MTUS2: variants seen among roughly 807,000 people sequenced by gnomAD.
The protein encoded by MTUS2 is microtubule-associated tumor suppressor candidate 2.
Under a neutral mutation model 114.1 loss-of-function variants are expected in MTUS2, and 40 were observed. The ratio of observed to expected loss-of-function variants is 0.35; its 90% CI spans 0.27 to 0.46. The LOEUF is 0.46. Ranked by LOEUF, MTUS2 falls within the 20% of genes least tolerant of loss-of-function variation. The pLI, the probability that MTUS2 is intolerant of heterozygous loss-of-function variation, is 1.00. For synonymous variants in MTUS2, 688 were observed against 672.0 expected (o/e 1.02, Z -0.37); for missense variants, 1,679 against 1,705.4 (o/e 0.98, Z 0.27).
At chr13:28,928,732 T>C (rs1289457512) in intron 2 of MTUS2, among the ~76,000 whole-genome samples, 2 of 152,224 alleles carry the variant, frequency 1.3e-5, no homozygotes, top group East Asian at 3.8e-4. Flanking sequence ...CTCCTGGGTA[T>C]ATATCCAAAA....
At chr13:29,145,599 AG>A (rs767999421) in intron 5 of MTUS2, among the ~76,000 whole-genome samples, 5 of 152,204 alleles carry the variant, frequency 3.3e-5, no homozygotes, top group African/African-American at 4.8e-5. Flanking sequence ...GTTTGTTTTT[AG>A]TTGATCAAAC....
chr13:29,138,547 G>C (rs771738559), intron 5 of MTUS2, among the ~76,000 whole-genome samples: 3 of 141,652 alleles, frequency 2.1e-5, no homozygotes, highest in Non-Finnish European at 4.6e-5. Flanking sequence ...GTACATTACT[G>C]GAAAGACTAT....
intron 5 of MTUS2, among the ~76,000 whole-genome samples, chr13:29,185,316 T>G (rs747120043): frequency 1.3e-5 from 2 of 152,030 alleles, no homozygotes; most frequent in African/African-American, 2.4e-5. Flanking sequence ...CATATGCAAA[T>G]GGGCGTCCCA....
chr13:29,237,272 T>C (rs967563987), intron 5 of MTUS2, among the ~76,000 whole-genome samples: 13 of 152,212 alleles, frequency 8.5e-5, no homozygotes, highest in African/African-American at 2.9e-4. Context: ...AGAAGTATCC[T>C]TTACAGATGA....
At chr13:29,238,500 C>T (rs928037182) in intron 5 of MTUS2, among the ~76,000 whole-genome samples, 2 of 152,184 alleles carry the variant, frequency 1.3e-5, no homozygotes, top group African/African-American at 4.8e-5. Flanking sequence ...GATGTAAGTC[C>T]AACAGTCCTA....
At chr13:29,267,180 T>C (rs1463709648) in intron 5 of MTUS2, among the ~76,000 whole-genome samples, 1 of 152,210 alleles carries the variant, frequency 6.6e-6, no homozygotes, top group Non-Finnish European at 1.5e-5. Flanking sequence ...CATTGGTATA[T>C]ACAAAGGGAA....
chr13:29,479,780 A>C (rs1881011721), intron 9 of MTUS2, among the ~76,000 whole-genome samples: 2 of 152,210 alleles, frequency 1.3e-5, no homozygotes, highest in Non-Finnish European at 2.9e-5. Context: ...GGCGTATTTC[A>C]GAGTCTACAT....
At chr13:28,902,462 T>C (rs1879701903) in intron 2 of MTUS2, among the ~76,000 whole-genome samples, 1 of 152,060 alleles carries the variant, frequency 6.6e-6, no homozygotes, top group Admixed American at 6.6e-5. Flanking sequence ...CCCCTGTAGG[T>C]TTTTTGTAGG....
intron 6 of MTUS2, among the ~76,000 whole-genome samples, chr13:29,288,282 A>G (rs1898572882): frequency 6.6e-6 from 1 of 152,176 alleles, no homozygotes; most frequent in Non-Finnish European, 1.5e-5. Context: ...GGAAAGTGCA[A>G]AGGTAACTGC....
At chr13:28,925,145 C>A in intron 2 of MTUS2, among the ~76,000 whole-genome samples, 1 of 152,202 alleles carries the variant, frequency 6.6e-6, no homozygotes, top group Non-Finnish European at 1.5e-5. Context: ...TGGATCATTT[C>A]ACTTTTGCAT....
At chr13:29,277,439 T>C (rs2139525111) in intron 5 of MTUS2, among the ~76,000 whole-genome samples, 1 of 152,326 alleles carries the variant, frequency 6.6e-6, no homozygotes, top group East Asian at 1.9e-4. Flanking sequence ...CAAAGATAGT[T>C]AGGACAATTT....
rs1886715136 is a variant in MTUS2, at chr13:29,029,487, G to A, written c.2205+2584G>A. 2.6e-5 allele frequency among the ~76,000 whole-genome samples: 4 copies of A among 152,200 alleles called. No individual in the cohort carries two copies. The South Asian group carries it at 8.3e-4, about 31-fold the overall frequency. On this transcript the variant is annotated intron_variant, in intron 3 of 15. Coordinates refer to ENST00000612955, the MANE Select transcript of MTUS2 (RefSeq NM_001033602.4). ...AACATTCATCCACCTGGGCCTCTGAGGCTCAGGGTCAGGCTCTGAAGCTTT... is the reference window on the plus strand; with the variant it reads ...AACATTCATCCACCTGGGCCTCTGAAGCTCAGGGTCAGGCTCTGAAGCTTT...
intron 8 of MTUS2, among the ~76,000 whole-genome samples, chr13:29,398,923 G>T (rs1243522869): frequency 6.6e-6 from 1 of 152,034 alleles, no homozygotes; most frequent in Non-Finnish European, 1.5e-5. Flanking sequence ...ACAGGAAAGG[G>T]GTCTAGATCC....
intron 6 of MTUS2, chr13:29,307,621 G>A: frequency 8.6e-7 from 1 of 1,169,476 alleles, no homozygotes; most frequent in Non-Finnish European, 1.3e-6. Context: ...GTACCAGCTT[G>A]TCTCCTCTGA....
chr13:28,976,641 G>A (rs2138276478), intron 2 of MTUS2, among the ~76,000 whole-genome samples: 1 of 152,144 alleles, frequency 6.6e-6, no homozygotes, highest in South Asian at 2.1e-4. Flanking sequence ...ATGAGAGAAT[G>A]GATATGAGAA....
At chr13:29,297,698 C>T (rs919215720) in intron 6 of MTUS2, among the ~76,000 whole-genome samples, 4 of 152,138 alleles carry the variant, frequency 2.6e-5, no homozygotes, top group African/African-American at 4.8e-5. Flanking sequence ...TACACTTGTC[C>T]CTCTTAGGGG....
At chr13:29,103,904 T>C (rs1252005155) in intron 5 of MTUS2, among the ~76,000 whole-genome samples, 1 of 152,202 alleles carries the variant, frequency 6.6e-6, no homozygotes, top group Non-Finnish European at 1.5e-5. Context: ...GGGACACTTT[T>C]AAGTGACTCA....
chr13:28,981,209 T>C (rs1462853088), intron 2 of MTUS2, among the ~76,000 whole-genome samples: 2 of 152,100 alleles, frequency 1.3e-5, no homozygotes, highest in Non-Finnish European at 2.9e-5. Context: ...ATATAAAGCA[T>C]AAAAGTTAAA....
At chr13:29,390,335 T>A (rs570408204) in intron 8 of MTUS2, among the ~76,000 whole-genome samples, 1 of 152,048 alleles carries the variant, frequency 6.6e-6, no homozygotes, top group Non-Finnish European at 1.5e-5. Flanking sequence ...AAAAGTGGAT[T>A]TGTAAGATTC....
Sources: allele counts gnomAD v4.1 joint callset (sites outside exome capture counted in the v4.1 genomes callset), GRCh38; gene constraint gnomAD v4.1.1; transcripts MANE v1.5; gene names NCBI Gene and HGNC (gene_info 2026-07-23, HGNC 2026-07-21).